CLCN1: variants seen among roughly 807,000 people sequenced by gnomAD.
CLCN1 encodes the protein chloride voltage-gated channel 1, also known as chloride channel protein 1.
A neutral mutation model predicts 114.5 loss-of-function variants in CLCN1; 100 were observed. That is an observed-to-expected ratio of 0.87 (90% confidence interval 0.74 to 1.03). The LOEUF (loss-of-function observed/expected upper bound fraction) is 1.03, where lower values mean the gene tolerates loss of function less well. CLCN1 is among the 50% of genes least tolerant of loss of function. The probability of loss-of-function intolerance (pLI) is 0.00; values close to 1 mark genes in which losing one functional copy is unlikely to be tolerated. For synonymous variants in CLCN1, 485 were observed against 487.1 expected, an observed-to-expected ratio of 1.00 and a Z score of 0.06; for missense variants, 1,188 against 1,250.0, an observed-to-expected ratio of 0.95 and a Z score of 0.75.
At chr7:143,320,572 T>TGGGTGG in intron 2 of CLCN1, 92 bp from the exon 3 acceptor site, 1 of 1,078,478 alleles carries the variant, frequency 9.3e-7, no homozygotes, top group Non-Finnish European at 1.4e-6. Context: ...TCTCTCTCTC[T>TGGGTGG]CTCTCTCTCT....
At chr7:143,316,907 C>A (rs1430455508) in intron 1 of CLCN1, among the ~76,000 whole-genome samples, 1 of 152,182 alleles carries the variant, frequency 6.6e-6, no homozygotes, top group Non-Finnish European at 1.5e-5. Flanking sequence ...CTACCAACGT[C>A]AAAATGAGCA....
intron 12 of CLCN1, among the ~76,000 whole-genome samples, chr7:143,336,867 T>C (rs1403431097): frequency 6.6e-6 from 1 of 152,340 alleles, no homozygotes; most frequent in East Asian, 1.9e-4. Context: ...AAAATACATC[T>C]TCTGAAATCA....
rs1284646229 is a variant in CLCN1 at position 143,321,882 on chromosome 7, G to A, written c.696+34G>A. Reference sequence around the variant, plus strand: ...GGCATGACTGAAGCCAGAGCTGGGAGGGGCCCTCAGGAGCCAGGGTGGCAC... The same window carrying A: ...GGCATGACTGAAGCCAGAGCTGGGAAGGGCCCTCAGGAGCCAGGGTGGCAC... On this transcript the variant is annotated intron_variant, in intron 5 of 22. Coordinates refer to ENST00000343257, the MANE Select transcript of CLCN1 (RefSeq NM_000083.3). This position sits in a 1 kb window ranked among gnomAD's most constrained non-coding sequence, Gnocchi z 4.2. 5 of 1,609,172 alleles carry A rather than the reference G, an allele frequency of 3.1e-6. No individual in the cohort carries two copies. The highest frequency in any genetic ancestry group is 2.2e-5 in the East Asian group (1 of 44,786).
chr7:143,332,348 T>G, intron 10 of CLCN1, 71 bp from the exon 11 acceptor site: 1 of 1,120,642 alleles, frequency 8.9e-7, no homozygotes, highest in South Asian at 1.2e-5. Flanking sequence ...AAACTTCAGC[T>G]TGCCATCGTT....
chr7:143,346,453 G>T (rs1228067101), intron 18 of CLCN1, 126 bp from the exon 19 acceptor site: 2 of 807,236 alleles, frequency 2.5e-6, no homozygotes, highest in East Asian at 2.4e-5. Flanking sequence ...ATTTAGGAGG[G>T]TAGAAGAGAG....
chr7:143,316,481 AGGGAGCAG>A, intron 1 of CLCN1, 89 bp downstream of exon 1: 3 of 1,207,978 alleles, frequency 2.5e-6, no homozygotes, highest in Non-Finnish European at 3.6e-6. Context: ...GGGTGAAAAG[AGGGAGCAG>A]TGTTACATTT....
chr7:143,325,951 G>A (rs1007501013), intron 7 of CLCN1, among the ~76,000 whole-genome samples: 29 of 152,280 alleles, frequency 1.9e-4, no homozygotes, highest in East Asian at 7.7e-4. Flanking sequence ...CCATGTTTAC[G>A]CTGTTTGTAT....
chr7:143,327,477 C>T (rs577790078), intron 7 of CLCN1, among the ~76,000 whole-genome samples: 21 of 152,176 alleles, frequency 1.4e-4, no homozygotes, highest in African/African-American at 5.1e-4. Flanking sequence ...TCCACCCAAT[C>T]CCTTTGTCAG....
chr7:143,329,384 CGACCT>C (rs1163517494), intron 7 of CLCN1, among the ~76,000 whole-genome samples: 1 of 152,128 alleles, frequency 6.6e-6, no homozygotes, highest in Non-Finnish European at 1.5e-5. Context: ...CGGATGGTTT[CGACCT>C]GAAGAGGAGG....
At chr7:143,332,901 T>TG in intron 12 of CLCN1, 28 bp downstream of exon 12, 2 of 1,612,474 alleles carry the variant, frequency 1.2e-6, no homozygotes, top group Middle Eastern at 1.6e-4. Flanking sequence ...AGCAACACCC[T>TG]AAACCTCCAT....
At chr7:143,329,051 T>C (rs1802653505) in intron 7 of CLCN1, among the ~76,000 whole-genome samples, 1 of 150,638 alleles carries the variant, frequency 6.6e-6, no homozygotes, top group Admixed American at 6.6e-5. Context: ...CACTGCAACC[T>C]GCGTCTCCCG....
chr7:143,325,592 C>T (rs986360933), intron 7 of CLCN1, among the ~76,000 whole-genome samples: 8 of 152,184 alleles, frequency 5.3e-5, no homozygotes, highest in Non-Finnish European at 1.0e-4. Flanking sequence ...ACATGTTAAA[C>T]GTTCACACTT....
intron 5 of CLCN1, among the ~76,000 whole-genome samples, chr7:143,322,220 T>C (rs1802459380): frequency 6.6e-6 from 1 of 152,204 alleles, no homozygotes. Flanking sequence ...CCTCAGACAT[T>C]GCCATATGGA....
chr7:143,334,891 G>A (rs1218317713), intron 12 of CLCN1, among the ~76,000 whole-genome samples: 1 of 152,116 alleles, frequency 6.6e-6, no homozygotes, highest in Non-Finnish European at 1.5e-5. Flanking sequence ...TTGATTTTTA[G>A]ACTTTCATTA....
chr7:143,319,898 G>T (rs751982793), intron 2 of CLCN1, 23 bp downstream of exon 2: 1 of 1,613,192 alleles, frequency 6.2e-7, no homozygotes. Flanking sequence ...GAGGAATAAA[G>T]AAATCTGGAG....
chr7:143,349,367 C>G (rs1313645947), intron 20 of CLCN1, among the ~76,000 whole-genome samples: 1 of 152,170 alleles, frequency 6.6e-6, no homozygotes, highest in African/African-American at 2.4e-5. Flanking sequence ...GGGCTACACA[C>G]CAGATCCTAA....
Position 143,346,630 on chromosome 7 carries a change from C to T in CLCN1, c.2336C>T (p.Ala779Val). ...QSLLHCLLGR[A>V]RPTKKKTTQD... is the part of the protein sequence containing the mutation. ...CTGCTTCACTGCTTGCTGGGCAGAG[C>T]TCGCCCCACAAAGAAGAAAACAACC... The change falls in exon 19 of 23, where the codon GCT becomes GTT. Residue 779 changes from alanine (A) to valine (V), a missense_variant. Coordinates refer to ENST00000343257, the MANE Select transcript of CLCN1 (RefSeq NM_000083.3). 1 of 1,613,786 alleles carries T rather than the reference C, an allele frequency of 6.2e-7. No individual in the cohort carries two copies. Among genetic ancestry groups the T allele is most frequent in the Non-Finnish European group, 8.5e-7 (1 of 1,179,924 alleles).
rs549434253 is a variant in CLCN1, at chr7:143,324,594, C to T, written c.853+102C>T. 41 of 869,756 alleles carry T rather than the reference C, an allele frequency of 4.7e-5. No homozygotes were observed. The highest frequency in any genetic ancestry group is 6.6e-5 in the African/African-American group (4 of 60,816). 53.9% of individuals were successfully genotyped at this position (869,756 alleles called of 1,614,324 possible). A position where few individuals can be genotyped will look rare whatever the true frequency, so the allele number is the denominator to read the frequency against. ...AGTGCTGGTATTACCAGGTTACTTA[C>T]GAGAATAGCTGACTTTTAGTAAGCC... On this transcript the variant is annotated intron_variant, in intron 7 of 22. Transcript: ENST00000343257. This position sits in a 1 kb window ranked among gnomAD's most constrained non-coding sequence, Gnocchi z 4.6.
rs1042797172 is a variant in CLCN1 at position 143,330,955 on chromosome 7, G to A, written c.979+58G>A. 1.1e-5 allele frequency: 17 copies of A among 1,612,740 alleles called. No homozygotes were observed. In the African/African-American group the frequency reaches 2.1e-4, roughly 20 times the overall value. ...GAAATAGAAAAGCTGGGAATGGGGT[G>A]CAGAGGAAAACTCTGTGGGGCAGTT... is the stretch of plus-strand genomic sequence containing the variant. On this transcript the variant is annotated intron_variant, in intron 8 of 22. Transcript: ENST00000343257.
Sources: allele counts gnomAD v4.1 joint callset (sites outside exome capture counted in the v4.1 genomes callset), GRCh38; gene constraint gnomAD v4.1.1; non-coding constraint Gnocchi (gnomAD v3.1); transcripts MANE v1.5; gene names NCBI Gene and HGNC (gene_info 2026-07-23, HGNC 2026-07-21).